NF1: variants seen among roughly 807,000 people sequenced by gnomAD.
NF1 encodes the protein neurofibromin 1.
In NF1, 122 loss-of-function variants were observed where a neutral mutation model predicts 325.7. The observed-to-expected ratio is 0.37, with a 90% CI of 0.32 to 0.44. The LOEUF is 0.44. NF1 is among the 20% of genes least tolerant of loss of function. NF1 has a pLI of 1.00. For synonymous variants in NF1, 1,091 were observed against 1,186.0 expected (o/e 0.92, Z 1.65); for missense variants, 2,140 against 3,415.4 (o/e 0.63, Z 9.31).
chr17:31,305,623 C>G (rs766161104), intron 36 of NF1: 2 of 1,605,302 alleles, frequency 1.2e-6, no homozygotes. Context: ...AGAATATTTC[C>G]TCGTTATCTA....
chr17:31,184,714 C>G (rs1258758718), intron 8 of NF1, among the ~76,000 whole-genome samples: 1 of 151,768 alleles, frequency 6.6e-6, no homozygotes, highest in Non-Finnish European at 1.5e-5. Context: ...GGGATTCTGT[C>G]TCCTGTCTTC....
chr17:31,167,593 T>A (rs527982826), intron 4 of NF1, among the ~76,000 whole-genome samples: 1 of 152,348 alleles, frequency 6.6e-6, no homozygotes, highest in African/African-American at 2.4e-5. Context: ...AATTTAATTG[T>A]GCTGCTTATA....
At chr17:31,346,956 G>C (rs2070008407) in intron 48 of NF1, among the ~76,000 whole-genome samples, 1 of 150,660 alleles carries the variant, frequency 6.6e-6, no homozygotes, top group Non-Finnish European at 1.5e-5. Context: ...TGATAACTGA[G>C]CTATGAAGAG....
At chr17:31,296,235 T>C (rs2068461968) in intron 36 of NF1, 5 of 1,613,998 alleles carry the variant, frequency 3.1e-6, no homozygotes, top group Non-Finnish European at 4.2e-6. Context: ...TGCCTCTCTG[T>C]GCATATACAT....
chr17:31,174,721 T>C (rs1476838549), intron 5 of NF1, among the ~76,000 whole-genome samples: 3 of 152,160 alleles, frequency 2.0e-5, no homozygotes, highest in African/African-American at 7.2e-5. Context: ...TGTAATACTC[T>C]GAAAACATTA....
intron 31 of NF1, 129 bp from the exon 32 acceptor site, chr17:31,258,215 A>T (rs2067616976): frequency 1.1e-6 from 1 of 946,224 alleles, no homozygotes; most frequent in African/African-American, 1.7e-5. Context: ...AGAAAAAAAT[A>T]GAAATATGTC....
chr17:31,212,444 C>T (rs2143947656), intron 12 of NF1, among the ~76,000 whole-genome samples: 1 of 152,334 alleles, frequency 6.6e-6, no homozygotes, highest in East Asian at 1.9e-4. Flanking sequence ...CCTGGTGGCT[C>T]ACGCCTGTAG....
At position 31,330,427 on chromosome 17, in the gene NF1, C is replaced by A. The variant is rs1555533873; in HGVS notation, c.5741C>A (p.Thr1914Lys). The A allele has an allele frequency of 1.9e-6, 3 of 1,613,884 alleles. No homozygotes were observed. The highest frequency in any genetic ancestry group is 2.5e-6 in the Non-Finnish European group (3 of 1,179,830). The change falls in exon 39 of 58, where the codon ACA becomes AAA. Residue 1914 changes from threonine (T) to lysine (K), a missense_variant. By Grantham distance (78) the Thr-to-Lys change is moderately conservative. This residue lies in a region of NF1 where 180 missense variants were observed against 435.1 expected (regional missense o/e 0.41). Transcript: ENST00000358273. ...NTLFIVSISK[T>K]LAANEPHLTL... is the part of the protein sequence containing the mutation. ...CTCTTTATTGTCTCTATTAGTAAGACACTGGCAGCCAATGAGCCACACCTC... is the reference window on the plus strand; with the variant it reads ...CTCTTTATTGTCTCTATTAGTAAGAAACTGGCAGCCAATGAGCCACACCTC...
At chr17:31,295,366 G>A in intron 36 of NF1, 18 of 1,614,044 alleles carry the variant, frequency 1.1e-5, no homozygotes, top group Non-Finnish European at 1.5e-5. Flanking sequence ...TAGTAAAGGT[G>A]GTGTCTTTGC....
chr17:31,231,275 T>G lies in NF1; in HGVS notation c.3197+350T>G, dbSNP rs1235639. On this transcript the variant is annotated intron_variant, in intron 24 of 57. Coordinates refer to ENST00000358273, the MANE Select transcript of NF1 (RefSeq NM_001042492.3). ...GAGGAACTCATTGTGTTGAATCTTT[T>G]TAAGAAATAATTGATTTCCTGATTC... is the stretch of plus-strand genomic sequence containing the variant. Among the ~76,000 whole-genome samples, 150,310 of 152,320 alleles carry G rather than the reference T, an allele frequency of 0.99. 74,169 individuals are homozygous for G. Among genetic ancestry groups the G allele is most frequent in the Middle Eastern group, 1 (294 of 294 alleles).
At chr17:31,203,513 A>G (rs1018583073) in intron 11 of NF1, among the ~76,000 whole-genome samples, 9 of 152,270 alleles carry the variant, frequency 5.9e-5, no homozygotes, top group Non-Finnish European at 1.2e-4. Flanking sequence ...GCTAATCGCT[A>G]TTGAATCTGA....
At chr17:31,361,251 T>TA (rs2070393900) in intron 57 of NF1, 1 of 155,306 alleles carries the variant, frequency 6.4e-6, no homozygotes, top group South Asian at 2.0e-4. Context: ...AATAACATCT[T>TA]AAAGCCCATA....
intron 5 of NF1, 44 bp downstream of exon 5, chr17:31,170,041 A>T: frequency 1.6e-6 from 2 of 1,219,496 alleles, no homozygotes; most frequent in Non-Finnish European, 2.4e-6. Flanking sequence ...TCACTGGGTC[A>T]AAAACTAGTA....
intron 47 of NF1, among the ~76,000 whole-genome samples, chr17:31,342,126 C>T (rs1430232916): frequency 6.6e-6 from 1 of 152,158 alleles, no homozygotes; most frequent in Non-Finnish European, 1.5e-5. Context: ...GTTTATTAAT[C>T]AGACCTCCAT....
intron 1 of NF1, among the ~76,000 whole-genome samples, chr17:31,126,206 A>T (rs76461449): frequency 6.6e-6 from 1 of 152,068 alleles, no homozygotes; most frequent in East Asian, 1.9e-4. Context: ...AGAAAAAAAA[A>T]TTATGTATCT....
At position 31,261,994 on chromosome 17, in the gene NF1, A is replaced by G. The variant is rs562597279; in HGVS notation, c.4724+137A>G. 19 of 733,266 alleles carry G rather than the reference A, an allele frequency of 2.6e-5. No homozygotes were observed. In the African/African-American group the frequency reaches 2.9e-4, roughly 11 times the overall value. The allele number at this position is 733,266 out of a possible 1,614,324, so 45.4% of individuals were successfully genotyped here. The stretch of plus-strand genomic sequence containing the variant: ...ATAATCACATTGCCATGTTTGGGGA[A>G]TCCAACTATATATTATTTATATATA... On this transcript the variant is annotated intron_variant, in intron 35 of 57. Coordinates refer to ENST00000358273, the MANE Select transcript of NF1 (RefSeq NM_001042492.3).
At chr17:31,116,400 T>C (rs921812281) in intron 1 of NF1, among the ~76,000 whole-genome samples, 1 of 152,046 alleles carries the variant, frequency 6.6e-6, no homozygotes, top group African/African-American at 2.4e-5. Flanking sequence ...TGCGTGGTGG[T>C]GTGTGGAGTG....
intron 1 of NF1, among the ~76,000 whole-genome samples, chr17:31,155,298 C>T (rs2065639198): frequency 6.6e-6 from 1 of 152,146 alleles, no homozygotes; most frequent in Admixed American, 6.5e-5. Context: ...GACAGTGGAA[C>T]TTAACTCATT....
intron 1 of NF1, chr17:31,137,026 T>C (rs1915836106): frequency 6.6e-6 from 1 of 152,218 alleles, no homozygotes; most frequent in African/African-American, 2.4e-5. Context: ...ACTATTTCAC[T>C]ATCTGTCTGC....
Sources: allele counts gnomAD v4.1 joint callset (sites outside exome capture counted in the v4.1 genomes callset), GRCh38; gene constraint gnomAD v4.1.1; regional missense constraint gnomAD v4.1.1; transcripts MANE v1.5; gene names NCBI Gene and HGNC (gene_info 2026-07-23, HGNC 2026-07-21).